Variants in SEL1L observed in about 807,000 individuals in gnomAD.
The protein encoded by SEL1L is SEL1L adaptor subunit of SYVN1 ubiquitin ligase, also known as protein sel-1 homolog 1.
SEL1L carries 52 observed loss-of-function variants against 109.8 expected under a neutral mutation model. The observed-to-expected ratio is 0.47, with a 90% CI of 0.38 to 0.60. SEL1L has a LOEUF of 0.60. Among genes scored for constraint, SEL1L ranks in the 20% least tolerant of loss-of-function variants. The pLI, the probability that SEL1L is intolerant of heterozygous loss-of-function variation, is 0.00. For missense variants in SEL1L, 749 were observed against 962.2 expected (o/e 0.78, Z 2.93); for synonymous variants, 373 against 339.6 (o/e 1.10, Z -1.08).
chr14:81,500,417 T>C (rs1348810648), intron 6 of SEL1L, among the ~76,000 whole-genome samples: 1 of 151,892 alleles, frequency 6.6e-6, no homozygotes, highest in Non-Finnish European at 1.5e-5. Context: ...TTTGTATTTT[T>C]AGTAGAGACG....
chr14:81,533,132 A>G (rs1432553767), intron 1 of SEL1L, among the ~76,000 whole-genome samples: 1 of 152,320 alleles, frequency 6.6e-6, no homozygotes, highest in African/African-American at 2.4e-5. Context: ...TTTCTCAGGA[A>G]GGTTTCAAAA....
At chr14:81,486,881 A>C (rs1321502957) in intron 16 of SEL1L, among the ~76,000 whole-genome samples, 4 of 152,204 alleles carry the variant, frequency 2.6e-5, no homozygotes, top group African/African-American at 9.6e-5. Flanking sequence ...TAAAGTGCCA[A>C]GTCTAAGAGA....
At chr14:81,528,504 C>T (rs1483728401) in intron 1 of SEL1L, among the ~76,000 whole-genome samples, 1 of 152,140 alleles carries the variant, frequency 6.6e-6, no homozygotes, top group Non-Finnish European at 1.5e-5. Flanking sequence ...CTGACTATTA[C>T]TTTTCTGGCT....
At chr14:81,532,945 A>C (rs559070811) in intron 1 of SEL1L, among the ~76,000 whole-genome samples, 49 of 152,354 alleles carry the variant, frequency 3.2e-4, no homozygotes, top group African/African-American at 1.2e-3. Context: ...ACATTAAAAA[A>C]GGGGGAAAAA....
rs568939196 is a variant in SEL1L at position 81,533,826 on chromosome 14, G to A, written c.-82C>T. 69 of 1,370,702 alleles carry A rather than the reference G, an allele frequency of 5.0e-5. No individual in the cohort carries two copies. Among genetic ancestry groups the A allele is most frequent in the African/African-American group, 1.6e-4 (11 of 70,180 alleles). 84.9% of individuals were successfully genotyped at this position (1,370,702 alleles called of 1,614,324 possible). A position where few individuals can be genotyped will look rare whatever the true frequency, so the allele number is the denominator to read the frequency against. On this transcript the variant is annotated 5_prime_UTR_variant, in exon 1 of 21. Coordinates refer to ENST00000336735, the MANE Select transcript of SEL1L (RefSeq NM_005065.6). ...CGGACTCAGCCACCACCGCCGCCTC[G>A]CCGCTGCTCTTCCTGCTCTAGTCTC...
At chr14:81,533,557 G>C in intron 1 of SEL1L, 118 bp downstream of exon 1, 1 of 930,862 alleles carries the variant, frequency 1.1e-6, no homozygotes, top group African/African-American at 1.6e-5. Context: ...TGACAGCCCA[G>C]TGCGAGATGT....
intron 3 of SEL1L, among the ~76,000 whole-genome samples, chr14:81,514,397 G>C (rs573712435): frequency 2.0e-5 from 3 of 152,302 alleles, no homozygotes; most frequent in African/African-American, 7.2e-5. Context: ...CATCTTTATA[G>C]GACATGGGTA....
At chr14:81,481,451 T>C (rs1201762097) in intron 19 of SEL1L, among the ~76,000 whole-genome samples, 1 of 152,186 alleles carries the variant, frequency 6.6e-6, no homozygotes, top group Non-Finnish European at 1.5e-5. Flanking sequence ...AGTGTCTGAG[T>C]TTTTAGAAAA....
At chr14:81,492,621 AT>A (rs1883589310) in intron 11 of SEL1L, 73 bp from the exon 12 acceptor site, 1 of 1,003,248 alleles carries the variant, frequency 1.0e-6, no homozygotes, top group Non-Finnish European at 1.5e-6. Flanking sequence ...CAAAATAATT[AT>A]TTCAGGAACA....
intron 8 of SEL1L, 143 bp from the exon 9 acceptor site, chr14:81,498,637 G>A: frequency 1.6e-6 from 1 of 610,336 alleles, no homozygotes; most frequent in Middle Eastern, 2.8e-4. Flanking sequence ...CTAAGTGTTA[G>A]GTTTTGAGGT....
chr14:81,497,283 T>C (rs1479708614), intron 10 of SEL1L, among the ~76,000 whole-genome samples: 1 of 152,168 alleles, frequency 6.6e-6, no homozygotes, highest in African/African-American at 2.4e-5. Context: ...TGTCCTAAAT[T>C]AGAAATAATT....
intron 11 of SEL1L, 92 bp from the exon 12 acceptor site, chr14:81,492,640 A>C: frequency 1.1e-6 from 1 of 881,324 alleles, no homozygotes; most frequent in Non-Finnish European, 1.7e-6. Flanking sequence ...ACATTTAAAA[A>C]ATCTTGTTAT....
rs1265009173 is a variant in SEL1L at position 81,472,314 on chromosome 14, G to A, written c.*4658C>T. ...CCACAAGTACAATTTGAGATCTTGA[G>A]ATCTGACATCTCAGTTGCCACAGTT... is the stretch of plus-strand genomic sequence containing the variant. On this transcript the variant is annotated 3_prime_UTR_variant, in exon 21 of 21. Transcript: ENST00000336735. 2 of 194,220 alleles carry A rather than the reference G, an allele frequency of 1.0e-5. No individual in the cohort carries two copies. The highest frequency in any genetic ancestry group is 7.8e-5 in the South Asian group (1 of 12,798). The allele number at this position is 194,220 out of a possible 1,614,324, so 12.0% of individuals were successfully genotyped here.
Position 81,498,056 on chromosome 14 carries a change from A to G in SEL1L, c.974-10T>C. 6.2e-7 allele frequency: 1 copy of G among 1,610,254 alleles called. No homozygotes were observed. Among genetic ancestry groups the G allele is most frequent in the Non-Finnish European group, 8.5e-7 (1 of 1,178,582 alleles). ...GAGATATCACTAGCAACTGAAATAG[A>G]GGGATAAAACAATAAGGTGGAGGAA... On this transcript the variant is annotated splice_polypyrimidine_tract_variant and intron_variant, in intron 9 of 20. Transcript: ENST00000336735.
chr14:81,485,307 G>A (rs576122758), intron 18 of SEL1L, among the ~76,000 whole-genome samples: 87 of 152,142 alleles, frequency 5.7e-4, no homozygotes, highest in East Asian at 7.7e-4. Flanking sequence ...AAGGAGTCTC[G>A]CTCTGTCGCC....
At chr14:81,514,314 C>T (rs764325371) in intron 3 of SEL1L, among the ~76,000 whole-genome samples, 2 of 152,242 alleles carry the variant, frequency 1.3e-5, no homozygotes, top group Non-Finnish European at 2.9e-5. Context: ...GGACAAAAGG[C>T]ATCACTCTTC....
chr14:81,477,337 T>TGTG (rs1903196794), intron 20 of SEL1L, among the ~76,000 whole-genome samples, 156 bp from the exon 21 acceptor site: 2 of 60,974 alleles, frequency 3.3e-5, no homozygotes, highest in African/African-American at 9.2e-5. Flanking sequence ...GTGTGTGTGT[T>TGTG]TAAAGCGGTT....
At chr14:81,496,650 G>GA (rs2140007772) in intron 10 of SEL1L, among the ~76,000 whole-genome samples, 1 of 152,310 alleles carries the variant, frequency 6.6e-6, no homozygotes, top group South Asian at 2.1e-4. Flanking sequence ...TAAGGCACAA[G>GA]AATCGCTTGA....
At chr14:81,478,282 G>A (rs1055122506) in intron 20 of SEL1L, among the ~76,000 whole-genome samples, 1 of 152,122 alleles carries the variant, frequency 6.6e-6, no homozygotes, top group African/African-American at 2.4e-5. Context: ...AATCTGGGAT[G>A]GGAGATTTGT....
Sources: allele counts gnomAD v4.1 joint callset (sites outside exome capture counted in the v4.1 genomes callset), GRCh38; gene constraint gnomAD v4.1.1; transcripts MANE v1.5; gene names NCBI Gene and HGNC (gene_info 2026-07-23, HGNC 2026-07-21).